Variants in TMEM30A observed in about 807,000 individuals in gnomAD.
TMEM30A encodes cell division cycle 50 P4-ATPase accessory subunit A, also known as cell cycle control protein 50A.
TMEM30A carries 24 observed loss-of-function variants against 38.2 expected under a neutral mutation model. The ratio of observed to expected loss-of-function variants is 0.63; its 90% CI spans 0.46 to 0.88. The LOEUF (loss-of-function observed/expected upper bound fraction) is 0.88, where lower values mean the gene tolerates loss of function less well. Among genes scored for constraint, TMEM30A ranks in the 40% least tolerant of loss-of-function variants. The probability of loss-of-function intolerance (pLI) is 0.00; values close to 1 mark genes in which losing one functional copy is unlikely to be tolerated. For missense variants in TMEM30A, 370 were observed against 458.6 expected, an observed-to-expected ratio of 0.81 and a Z score of 1.77; for synonymous variants, 145 against 161.6, an observed-to-expected ratio of 0.90 and a Z score of 0.78.
At chr6:75,280,960 A>G (rs948581361) in intron 1 of TMEM30A, among the ~76,000 whole-genome samples, 1 of 152,158 alleles carries the variant, frequency 6.6e-6, no homozygotes, top group Non-Finnish European at 1.5e-5. Flanking sequence ...AAAAATTTTT[A>G]TCAGAAACTA....
chr6:75,276,445 T>G (rs1164167356), intron 1 of TMEM30A, among the ~76,000 whole-genome samples: 1 of 152,192 alleles, frequency 6.6e-6, no homozygotes, highest in Admixed American at 6.5e-5. Context: ...CTGTGGGATC[T>G]GATACTATCT....
intron 1 of TMEM30A, among the ~76,000 whole-genome samples, chr6:75,283,003 G>C (rs538235285): frequency 6.6e-6 from 1 of 151,974 alleles, no homozygotes; most frequent in Non-Finnish European, 1.5e-5. Flanking sequence ...TACATTTGCA[G>C]GACTATTAGG....
intron 1 of TMEM30A, among the ~76,000 whole-genome samples, chr6:75,279,081 C>T (rs1772311542): frequency 7.0e-6 from 1 of 142,342 alleles, no homozygotes. Flanking sequence ...CAAAAGATGC[C>T]AAGCTCCTTA....
At chr6:75,259,576 T>C (rs1382530203) in intron 4 of TMEM30A, 86 bp from the exon 5 acceptor site, 12 of 1,250,258 alleles carry the variant, frequency 9.6e-6, no homozygotes, top group Middle Eastern at 2.9e-4. Context: ...AAGGACCTGA[T>C]ATTTGTTTCC....
chr6:75,266,930 AG>A (rs1772079021), intron 2 of TMEM30A, among the ~76,000 whole-genome samples: 1 of 152,346 alleles, frequency 6.6e-6, no homozygotes, highest in African/African-American at 2.4e-5. Flanking sequence ...ACCAACTATT[AG>A]GGACTATTAA....
rs1771929909 is a variant in TMEM30A at position 75,259,545 on chromosome 6, C to G, written c.542-55G>C. On this transcript the variant is annotated intron_variant, in intron 4 of 6. Coordinates refer to ENST00000230461, the MANE Select transcript of TMEM30A (RefSeq NM_018247.4). ...ACTATCTCTTGAAAACTCATAGCATCTGCTTAACTCTATGAGAAATAAGGA... is the reference window on the plus strand; with the variant it reads ...ACTATCTCTTGAAAACTCATAGCATGTGCTTAACTCTATGAGAAATAAGGA... The G allele has an allele frequency of 3.5e-6, 5 of 1,448,296 alleles. No individual in the cohort carries two copies. The Admixed American group carries it at 1.2e-4, about 33-fold the overall frequency. The allele number at this position is 1,448,296 out of a possible 1,614,324, so 89.7% of individuals were successfully genotyped here.
chr6:75,273,241 G>A (rs1292267729), intron 1 of TMEM30A, among the ~76,000 whole-genome samples: 3 of 152,082 alleles, frequency 2.0e-5, no homozygotes, highest in Non-Finnish European at 2.9e-5. Flanking sequence ...TAAAATGTCC[G>A]GCAGGAAATA....
intron 1 of TMEM30A, among the ~76,000 whole-genome samples, chr6:75,278,920 G>A (rs1772308897): frequency 6.6e-6 from 1 of 151,998 alleles, no homozygotes; most frequent in African/African-American, 2.4e-5. Context: ...TATTTATCAA[G>A]TACCAGCTCA....
intron 1 of TMEM30A, among the ~76,000 whole-genome samples, chr6:75,277,712 C>G (rs1772285551): frequency 6.6e-6 from 1 of 152,094 alleles, no homozygotes; most frequent in South Asian, 2.1e-4. Context: ...CAAGAGCAGC[C>G]TGGGCAACCA....
chr6:75,275,594 TTC>T (rs1772246964), intron 1 of TMEM30A, among the ~76,000 whole-genome samples: 1 of 152,240 alleles, frequency 6.6e-6, no homozygotes, highest in African/African-American at 2.4e-5. Flanking sequence ...TTCTTCACTT[TTC>T]TCTTACACCC....
At chr6:75,266,569 G>A (rs561840282) in intron 2 of TMEM30A, among the ~76,000 whole-genome samples, 2 of 152,306 alleles carry the variant, frequency 1.3e-5, no homozygotes, top group East Asian at 3.9e-4. Flanking sequence ...GAAACACAGA[G>A]TCCACAAGAG....
chr6:75,280,272 A>G (rs1189951274), intron 1 of TMEM30A, among the ~76,000 whole-genome samples: 2 of 152,184 alleles, frequency 1.3e-5, no homozygotes, highest in Non-Finnish European at 2.9e-5. Flanking sequence ...AGCAAATGCT[A>G]ACTTTGCTGG....
At chr6:75,260,405 C>CA (rs1771944871) in intron 4 of TMEM30A, among the ~76,000 whole-genome samples, 1 of 148,220 alleles carries the variant, frequency 6.7e-6, no homozygotes, top group Non-Finnish European at 1.5e-5. Flanking sequence ...CGCTCCATCT[C>CA]AAAAAAAGAA....
intron 1 of TMEM30A, among the ~76,000 whole-genome samples, chr6:75,278,852 C>G (rs1049801061): frequency 1.3e-5 from 2 of 152,090 alleles, no homozygotes; most frequent in African/African-American, 4.8e-5. Context: ...GCCACTAGAT[C>G]GTTGTTCATA....
intron 1 of TMEM30A, among the ~76,000 whole-genome samples, chr6:75,268,961 A>G (rs1276816888): frequency 6.6e-6 from 1 of 152,186 alleles, no homozygotes; most frequent in African/African-American, 2.4e-5. Context: ...TGATCGCTAA[A>G]TTGAAAGGCT....
In TMEM30A at chr6:75,256,267, T is replaced by G. The variant is rs542973047; in HGVS notation, c.921A>C (p.Arg307=). Residue 307 remains arginine (R), a synonymous_variant, in exon 7 of 7, where the codon CGA becomes CGC. Coordinates refer to ENST00000230461, the MANE Select transcript of TMEM30A (RefSeq NM_018247.4). ...YNYPVHYFDG[R]KRMILSTISW... The stretch of plus-strand genomic sequence containing the variant: ...AAATAGTGCTCAAGATCATCCGTTT[T>G]CGTCCATCAAAATAATGTACAGGGT... The G allele has an allele frequency of 1.9e-6, 3 of 1,613,426 alleles. No homozygotes were observed. The African/African-American group carries it at 4.0e-5, about 22-fold the overall frequency.
intron 1 of TMEM30A, among the ~76,000 whole-genome samples, chr6:75,279,120 TG>T (rs923592048): frequency 3.5e-5 from 3 of 85,288 alleles, no homozygotes; most frequent in Non-Finnish European, 4.7e-5. Context: ...AAAAGGTGTG[TG>T]GGGGGGTGGG....
intron 1 of TMEM30A, among the ~76,000 whole-genome samples, chr6:75,275,756 G>T (rs1205798638): frequency 6.6e-6 from 1 of 152,116 alleles, no homozygotes; most frequent in African/African-American, 2.4e-5. Context: ...GTTTCCCTGT[G>T]TGATATTGTG....
intron 2 of TMEM30A, 112 bp downstream of exon 2, chr6:75,267,529 T>C: frequency 1.5e-6 from 1 of 667,620 alleles, no homozygotes; most frequent in Non-Finnish European, 2.3e-6. Context: ...TAAACTCCAG[T>C]AAATTATACA....
Sources: gnomAD v4.1 joint callset for allele counts (sites outside exome capture counted in the v4.1 genomes callset) on GRCh38, gnomAD v4.1.1 for gene constraint, MANE v1.5 for transcripts, NCBI Gene and HGNC (gene_info 2026-07-23, HGNC 2026-07-21) for gene names.